Variants in IMMP2L observed in about 807,000 individuals in gnomAD.
IMMP2L encodes the protein inner mitochondrial membrane peptidase subunit 2.
A neutral mutation model predicts 19.3 loss-of-function variants in IMMP2L; 18 were observed. The ratio of observed to expected loss-of-function variants is 0.93; its 90% CI spans 0.64 to 1.38. The LOEUF is 1.38. IMMP2L is among the 40% of genes most tolerant of loss of function. IMMP2L has a pLI of 0.00. For synonymous variants in IMMP2L, 76 were observed against 73.0 expected (o/e 1.04, Z -0.21); for missense variants, 233 against 218.2 (o/e 1.07, Z -0.43).
intron 3 of IMMP2L, among the ~76,000 whole-genome samples, chr7:111,040,776 A>G (rs938162225): frequency 6.7e-6 from 1 of 149,950 alleles, no homozygotes; most frequent in Non-Finnish European, 1.5e-5. Context: ...AAAACTATAT[A>G]AAATCTAATA....
chr7:111,448,708 CA>C (rs1838794107), intron 3 of IMMP2L, among the ~76,000 whole-genome samples: 1 of 111,470 alleles, frequency 9.0e-6, no homozygotes, highest in Admixed American at 1.0e-4. Flanking sequence ...TAACTAAAAT[CA>C]GAGCAGAACT....
At chr7:111,329,426 G>A (rs886249723) in intron 3 of IMMP2L, among the ~76,000 whole-genome samples, 3 of 151,836 alleles carry the variant, frequency 2.0e-5, no homozygotes, top group African/African-American at 7.2e-5. Context: ...TAGCCTTCAT[G>A]GAGACCAAGA....
At chr7:110,991,323 C>T (rs892344693) in intron 3 of IMMP2L, among the ~76,000 whole-genome samples, 69 of 152,032 alleles carry the variant, frequency 4.5e-4, no homozygotes, top group Admixed American at 4.2e-3. Context: ...TATATTTAAC[C>T]GATTAACATG....
At chr7:111,279,855 T>C (rs1819508298) in intron 3 of IMMP2L, among the ~76,000 whole-genome samples, 1 of 152,098 alleles carries the variant, frequency 6.6e-6, no homozygotes, top group Admixed American at 6.6e-5. Context: ...CATTTCGGGC[T>C]TTTAATGCAT....
intron 1 of IMMP2L, among the ~76,000 whole-genome samples, chr7:111,526,007 T>C (rs535379199): frequency 6.6e-6 from 1 of 152,174 alleles, no homozygotes; most frequent in East Asian, 1.9e-4. Context: ...AAAATGGCAT[T>C]TGAGGCAAGA....
intron 3 of IMMP2L, among the ~76,000 whole-genome samples, chr7:111,041,950 A>G (rs1304462929): frequency 6.6e-6 from 1 of 152,174 alleles, no homozygotes; most frequent in South Asian, 2.1e-4. Context: ...CAGTTTCCTT[A>G]TCTGTGAAAT....
At chr7:110,948,682 A>G (rs1379756907) in intron 4 of IMMP2L, among the ~76,000 whole-genome samples, 1 of 152,202 alleles carries the variant, frequency 6.6e-6, no homozygotes, top group Non-Finnish European at 1.5e-5. Flanking sequence ...GTAGTATAAT[A>G]GCTCTTCCCC....
chr7:111,544,987 A>G (rs1848791066), intron 1 of IMMP2L, among the ~76,000 whole-genome samples: 1 of 152,114 alleles, frequency 6.6e-6, no homozygotes, highest in South Asian at 2.1e-4. Flanking sequence ...TCTCTCTTAC[A>G]TTGAGAGAAG....
intron 3 of IMMP2L, among the ~76,000 whole-genome samples, chr7:111,355,633 C>T (rs1363586637): frequency 1.3e-5 from 2 of 151,794 alleles, no homozygotes; most frequent in Admixed American, 6.6e-5. Context: ...ATAGAAAAAC[C>T]TTCTGGTCAC....
chr7:111,195,083 A>G (rs1809324674), intron 3 of IMMP2L, among the ~76,000 whole-genome samples: 1 of 152,138 alleles, frequency 6.6e-6, no homozygotes, highest in Non-Finnish European at 1.5e-5. Flanking sequence ...TAATGAAATA[A>G]CATGCACTAC....
chr7:110,866,677 C>A (rs1808013451), intron 5 of IMMP2L, among the ~76,000 whole-genome samples: 1 of 152,078 alleles, frequency 6.6e-6, no homozygotes, highest in South Asian at 2.1e-4. Context: ...AAGTTAATTA[C>A]TCTTTTAAGG....
intron 3 of IMMP2L, among the ~76,000 whole-genome samples, chr7:111,092,475 G>C (rs983053702): frequency 1.3e-5 from 2 of 152,128 alleles, no homozygotes; most frequent in Non-Finnish European, 1.5e-5. Context: ...ATGAATATGA[G>C]TAGAACCGTC....
chr7:111,450,009 T>C (rs1277395969), intron 3 of IMMP2L, among the ~76,000 whole-genome samples: 3 of 150,820 alleles, frequency 2.0e-5, no homozygotes, highest in African/African-American at 7.4e-5. Context: ...ACAAGGGATG[T>C]GAAGCACCTC....
intron 4 of IMMP2L, among the ~76,000 whole-genome samples, chr7:110,945,569 C>T (rs905400775): frequency 1.1e-4 from 17 of 151,972 alleles, no homozygotes; most frequent in African/African-American, 3.9e-4. Context: ...AACAGTCTTC[C>T]TTCTACCAAA....
At chr7:111,008,395 G>A (rs1228439164) in intron 3 of IMMP2L, among the ~76,000 whole-genome samples, 1 of 151,958 alleles carries the variant, frequency 6.6e-6, no homozygotes, top group Non-Finnish European at 1.5e-5. Context: ...GCCTAAGATT[G>A]CTCTTCCCCC....
rs974962741 is a variant in IMMP2L at position 111,116,912 on chromosome 7, T to G, written c.240-153347A>C. Among the ~76,000 whole-genome samples, 43 of 152,234 alleles carry G rather than the reference T, an allele frequency of 2.8e-4. 1 individual carries two copies. Among genetic ancestry groups the G allele is most frequent in the Admixed American group, 2.8e-3 (43 of 15,298 alleles). On this transcript the variant is annotated intron_variant, in intron 3 of 5. Transcript: ENST00000405709. ...AGAACTTAGTGGTTAAGACTGAGCTTTAGAGGCAAAATGAAGGAATTTGAA... is the reference window on the plus strand; with the variant it reads ...AGAACTTAGTGGTTAAGACTGAGCTGTAGAGGCAAAATGAAGGAATTTGAA...
At chr7:111,370,853 G>T (rs1479977755) in intron 3 of IMMP2L, among the ~76,000 whole-genome samples, 1 of 151,712 alleles carries the variant, frequency 6.6e-6, no homozygotes, top group Non-Finnish European at 1.5e-5. Context: ...ATCTGCACAT[G>T]GTGAGAAAAT....
intron 1 of IMMP2L, among the ~76,000 whole-genome samples, chr7:111,524,753 TAAGAAA>T (rs1345151017): frequency 6.6e-6 from 1 of 152,182 alleles, no homozygotes; most frequent in South Asian, 2.1e-4. Flanking sequence ...CTTACTAGAT[TAAGAAA>T]AAGTATCTGC....
At position 110,792,846 on chromosome 7, in the gene IMMP2L, C is replaced by A. The variant is rs1396714107; in HGVS notation, c.408+93747G>T. Among the ~76,000 whole-genome samples, 3 of 152,068 alleles carry A rather than the reference C, an allele frequency of 2.0e-5. No homozygotes were observed. The East Asian group carries it at 5.8e-4, about 29-fold the overall frequency. On this transcript the variant is annotated intron_variant, in intron 5 of 5. Transcript: ENST00000405709. The stretch of plus-strand genomic sequence containing the variant: ...AAAGATCCTCTGTGCTCCACCTAGT[C>A]ATCTCCCCCTCCCCCAGCCCCTGGC...
Sources: allele counts gnomAD v4.1 joint callset (sites outside exome capture counted in the v4.1 genomes callset), GRCh38; gene constraint gnomAD v4.1.1; transcripts MANE v1.5; gene names NCBI Gene and HGNC (gene_info 2026-07-23, HGNC 2026-07-21).